The following DRC7 variants were observed in gnomAD, a reference collection of about 807,000 sequenced individuals.
DRC7 encodes coiled-coil domain containing 135.
DRC7 carries 80 observed loss-of-function variants against 104.4 expected under a neutral mutation model. That is an observed-to-expected ratio of 0.77 (90% confidence interval 0.64 to 0.92). The LOEUF (loss-of-function observed/expected upper bound fraction) is 0.92, where lower values mean the gene tolerates loss of function less well. Ranked by LOEUF, DRC7 falls within the 40% of genes least tolerant of loss-of-function variation. DRC7 has a pLI of 0.00. For synonymous variants in DRC7, 405 were observed against 447.3 expected (o/e 0.91, Z 1.19); for missense variants, 1,034 against 1,141.1 (o/e 0.91, Z 1.35).
rs2049060520 is a variant in DRC7, at chr16:57,731,385, C to T, written c.*127C>T. On this transcript the variant is annotated 3_prime_UTR_variant, in exon 19 of 19. Coordinates refer to ENST00000360716, the MANE Select transcript of DRC7 (RefSeq NM_001289162.2). ...GACACCTGGCCTCACTGCCAGCCCA[C>T]CTCCCCTACAGCCCTGTTTGTTCCT... 1.5e-6 allele frequency: 1 copy of T among 670,862 alleles called. No individual in the cohort carries two copies. The highest frequency in any genetic ancestry group is 2.6e-5 in the Admixed American group (1 of 38,006). 41.6% of individuals were successfully genotyped at this position (670,862 alleles called of 1,614,324 possible).
At chr16:57,725,638 C>T (rs1187223725) in intron 13 of DRC7, 1 of 165,346 alleles carries the variant, frequency 6.0e-6, no homozygotes. Context: ...GAGATCGGGA[C>T]CCAGGGATTA....
chr16:57,708,726 A>G (rs2148746965), intron 8 of DRC7, among the ~76,000 whole-genome samples: 1 of 152,288 alleles, frequency 6.6e-6, no homozygotes, highest in Non-Finnish European at 1.5e-5. Flanking sequence ...GCAATGTATG[A>G]GGGTTCTCAG....
intron 6 of DRC7, among the ~76,000 whole-genome samples, chr16:57,702,550 G>A (rs1475730413): frequency 1.3e-5 from 2 of 152,160 alleles, no homozygotes; most frequent in Non-Finnish European, 2.9e-5. Context: ...TGTAATCCCA[G>A]CACTTTGGGA....
At chr16:57,695,498 T>C (rs563789763) in intron 1 of DRC7, among the ~76,000 whole-genome samples, 8 of 152,194 alleles carry the variant, frequency 5.3e-5, no homozygotes, top group Non-Finnish European at 1.0e-4. Context: ...TGACACACAG[T>C]AGGCATTCAG....
chr16:57,729,240 A>G (rs868840054), intron 17 of DRC7, among the ~76,000 whole-genome samples: 234 of 50,324 alleles, frequency 4.6e-3, no homozygotes, highest in Middle Eastern at 0.024. Context: ...GTGGGTGGAT[A>G]GATGAGTGGG....
chr16:57,722,035 C>A (rs2048908810), intron 10 of DRC7, among the ~76,000 whole-genome samples: 3 of 152,216 alleles, frequency 2.0e-5, no homozygotes. Context: ...AGCCCATTCC[C>A]CTCTCACACT....
At chr16:57,710,215 A>G (rs2048778782) in intron 8 of DRC7, among the ~76,000 whole-genome samples, 1 of 152,232 alleles carries the variant, frequency 6.6e-6, no homozygotes, top group South Asian at 2.1e-4. Context: ...AACATTTTGT[A>G]GGTTTCAGTG....
intron 8 of DRC7, among the ~76,000 whole-genome samples, chr16:57,712,520 TG>T: frequency 6.6e-6 from 1 of 152,364 alleles, no homozygotes; most frequent in South Asian, 2.1e-4. Context: ...TTTGGTTTTG[TG>T]GTTTTTCTCC....
chr16:57,706,493 T>TCCAC, intron 7 of DRC7, among the ~76,000 whole-genome samples: 1 of 128,392 alleles, frequency 7.8e-6, no homozygotes, highest in Middle Eastern at 5.6e-3. Flanking sequence ...CGTCCTCTCA[T>TCCAC]CCATGCTTCC....
intron 17 of DRC7, among the ~76,000 whole-genome samples, chr16:57,729,139 T>C (rs1254929078): frequency 2.3e-5 from 3 of 130,468 alleles, no homozygotes; most frequent in Non-Finnish European, 4.7e-5. Flanking sequence ...GATGGATGAA[T>C]GGATGGATGG....
At chr16:57,722,572 C>G in intron 10 of DRC7, 141 bp from the exon 11 acceptor site, 2 of 1,160,392 alleles carry the variant, frequency 1.7e-6, no homozygotes, top group Non-Finnish European at 2.4e-6. Flanking sequence ...GATTATTCTC[C>G]TCGGCCTCCC....
chr16:57,699,913 A>C lies in DRC7; in HGVS notation c.379-232A>C, dbSNP rs183160294. On this transcript the variant is annotated intron_variant, in intron 4 of 18. Coordinates refer to ENST00000360716, the MANE Select transcript of DRC7 (RefSeq NM_001289162.2). ...TGTGCTGTCTCCGGGTGCTGGCAAC[A>C]TGATAAGGGCCTCCCAGTCATTGCC... is the stretch of plus-strand genomic sequence containing the variant. Among the ~76,000 whole-genome samples the C allele has an allele frequency of 4.5e-3, 682 of 152,286 alleles. 6 individuals carry two copies. Among genetic ancestry groups the C allele is most frequent in the African/African-American group, 0.016 (655 of 41,544 alleles).
At chr16:57,708,734 C>T (rs2048760236) in intron 8 of DRC7, among the ~76,000 whole-genome samples, 1 of 152,174 alleles carries the variant, frequency 6.6e-6, no homozygotes, top group African/African-American at 2.4e-5. Context: ...TGAGGGTTCT[C>T]AGAGCTCCAT....
chr16:57,726,452 T>C (rs1028541512), intron 14 of DRC7, 169 bp downstream of exon 14: 1 of 629,654 alleles, frequency 1.6e-6, no homozygotes, highest in Admixed American at 2.9e-5. Flanking sequence ...GACCCTTCTC[T>C]TTGAGCTCCT....
In DRC7 at chr16:57,722,825, CTA is replaced by C; in HGVS notation, c.1394_1395del (p.Tyr465Ter). The C allele has an allele frequency of 6.2e-7, 1 of 1,613,818 alleles. No homozygotes were observed. Among genetic ancestry groups the C allele is most frequent in the Non-Finnish European group, 8.5e-7 (1 of 1,180,014 alleles). ...SNGLVSRLTTYEDLQCTNILE... is the reference protein window; with the variant it reads ...SNGLVSRLTTXEDLQCTNILE... ...ATGGCCTTGTGAGCCGCCTCACCAC[CTA>C]TGAGGACTTGCAGTGTAAGGGGGAT... On this transcript the variant is annotated frameshift_variant, in exon 11 of 19. Coordinates refer to ENST00000360716, the MANE Select transcript of DRC7 (RefSeq NM_001289162.2). LOFTEE classifies it high-confidence loss of function.
At chr16:57,726,659 C>A in intron 14 of DRC7, 173 bp from the exon 15 acceptor site, 1 of 565,542 alleles carries the variant, frequency 1.8e-6, no homozygotes, top group South Asian at 2.2e-5. Context: ...TCTTCAGTTC[C>A]TCTTTTATTA....
chr16:57,697,802 C>T (rs11865346), intron 2 of DRC7, 111 bp from the exon 3 acceptor site: 6 of 1,225,602 alleles, frequency 4.9e-6, no homozygotes, highest in East Asian at 2.3e-5. Flanking sequence ...CCTATGTGTT[C>T]GACACCTCCT....
intron 7 of DRC7, among the ~76,000 whole-genome samples, chr16:57,706,191 TCTATCCTC>T (rs2048722388): frequency 7.9e-6 from 1 of 126,530 alleles, no homozygotes; most frequent in Non-Finnish European, 1.7e-5. Context: ...CTCTCATCCA[TCTATCCTC>T]CCATCCACCC....
intron 8 of DRC7, among the ~76,000 whole-genome samples, chr16:57,717,174 G>T (rs1276022915): frequency 8.3e-5 from 12 of 145,180 alleles, no homozygotes; most frequent in African/African-American, 3.0e-4. Context: ...AAAAAGAAAA[G>T]AAAAATAAAA....
Sources: gnomAD v4.1 joint callset for allele counts (sites outside exome capture counted in the v4.1 genomes callset) on GRCh38, gnomAD v4.1.1 for gene constraint, MANE v1.5 for transcripts, NCBI Gene and HGNC (gene_info 2026-07-23, HGNC 2026-07-21) for gene names.